GRIP2: variants seen among roughly 807,000 people sequenced by gnomAD.
The protein encoded by GRIP2 is glutamate receptor-interacting protein 2.
GRIP2 carries 58 observed loss-of-function variants against 108.3 expected under a neutral mutation model. That is an observed-to-expected ratio of 0.54 (90% confidence interval 0.43 to 0.67). The LOEUF (loss-of-function observed/expected upper bound fraction) is 0.67, where lower values mean the gene tolerates loss of function less well. Among genes scored for constraint, GRIP2 ranks in the 30% least tolerant of loss-of-function variants. The probability of loss-of-function intolerance (pLI) is 0.00; values close to 1 mark genes in which losing one functional copy is unlikely to be tolerated. For missense variants in GRIP2, 1,278 were observed against 1,430.6 expected, an observed-to-expected ratio of 0.89 and a Z score of 1.72; for synonymous variants, 586 against 598.2, an observed-to-expected ratio of 0.98 and a Z score of 0.30.
chr3:14,573,376 G>C, the GRIP2 span: 1 of 1,328,994 alleles, frequency 7.5e-7, no homozygotes, highest in South Asian at 1.2e-5. Flanking sequence ...TCCAGGTCCC[G>C]CGGGATGGTC....
chr3:14,577,948 G>A, the GRIP2 span, among the ~76,000 whole-genome samples: 3 of 152,236 alleles, frequency 2.0e-5, no homozygotes, highest in Non-Finnish European at 4.4e-5. Context: ...CCTCATCCTC[G>A]CCCAGGGCCT....
At chr3:14,557,911 C>A (rs1346028180), upstream of GRIP2, among the ~76,000 whole-genome samples, 1 of 152,216 alleles carries the variant, frequency 6.6e-6, no homozygotes, top group East Asian at 1.9e-4. Flanking sequence ...TCTAGTATGG[C>A]AGGGTTACAC....
intron 5 of GRIP2, 126 bp from the exon 6 acceptor site, chr3:14,523,201 G>A: frequency 1.4e-6 from 1 of 715,412 alleles, no homozygotes; most frequent in South Asian, 1.8e-5. Flanking sequence ...TGCTATCCAT[G>A]GACCCTCTTA....
chr3:14,585,382 A>G, the GRIP2 span, among the ~76,000 whole-genome samples: 113,537 of 152,202 alleles, frequency 0.75, 42,971 homozygotes, highest in South Asian at 0.87. Flanking sequence ...ATATATTTGA[A>G]CCTGATGTTA....
the GRIP2 span, among the ~76,000 whole-genome samples, chr3:14,569,174 G>A: frequency 2.0e-5 from 3 of 152,198 alleles, no homozygotes; most frequent in East Asian, 1.9e-4. Flanking sequence ...CAGTGGACTC[G>A]GGGCCTCCTT....
chr3:14,496,024 G>A (rs1038315032), intron 22 of GRIP2, among the ~76,000 whole-genome samples: 47 of 152,018 alleles, frequency 3.1e-4, no homozygotes, highest in African/African-American at 1.1e-3. Context: ...GCATGCCTGT[G>A]GTCCCAGCTT....
Position 14,511,476 on chromosome 3 carries a change from G to A in GRIP2, c.1724C>T (p.Ala575Val). ...SVELGITISS[A>V]SRKRGEPLII... is the part of the protein sequence containing the mutation. Reference sequence around the variant, plus strand: ...CAAGGGCTCCCCTCGTTTCCTGCTGGCCGCTGGAGAAAAAGAGGCCATGAA... The same window carrying A: ...CAAGGGCTCCCCTCGTTTCCTGCTGACCGCTGGAGAAAAAGAGGCCATGAA... Residue 575 changes from alanine (A) to valine (V), a missense_variant, in exon 15 of 24, where the codon GCC (alanine) becomes GTC (valine). Transcript: ENST00000621039. The surrounding 1 kb of genome is among the most constrained non-coding windows in gnomAD (Gnocchi z 4.1). 1 of 1,613,298 alleles carries A rather than the reference G, an allele frequency of 6.2e-7. No homozygotes were observed. Among genetic ancestry groups the A allele is most frequent in the African/African-American group, 1.3e-5 (1 of 75,022 alleles).
chr3:14,595,967 G>A, the GRIP2 span, among the ~76,000 whole-genome samples: 10 of 152,236 alleles, frequency 6.6e-5, no homozygotes, highest in Admixed American at 6.5e-4. Context: ...GGAATGGGAC[G>A]GGGTCCCTGC....
At chr3:14,555,177 G>A (rs1695216530) in intron 1 of GRIP2, among the ~76,000 whole-genome samples, 1 of 152,080 alleles carries the variant, frequency 6.6e-6, no homozygotes, top group South Asian at 2.1e-4. Flanking sequence ...ACAGGCTGGG[G>A]CTCAGCACAG....
At chr3:14,518,639 C>T (rs1169338073) in intron 9 of GRIP2, among the ~76,000 whole-genome samples, 1 of 152,218 alleles carries the variant, frequency 6.6e-6, no homozygotes, top group Non-Finnish European at 1.5e-5. Context: ...GGCCAGCTCT[C>T]CTCTTGCGCG....
chr3:14,559,073 G>A (rs138855489), upstream of GRIP2, among the ~76,000 whole-genome samples: 637 of 152,258 alleles, frequency 4.2e-3, no homozygotes, highest in Non-Finnish European at 7.3e-3. Flanking sequence ...CAGCCTGCCC[G>A]GGTTCAAATC....
the GRIP2 span, among the ~76,000 whole-genome samples, chr3:14,568,550 C>T: frequency 1.3e-5 from 2 of 152,164 alleles, no homozygotes; most frequent in Admixed American, 1.3e-4. Context: ...CTCATTCTGT[C>T]ATGAGCGTCT....
the GRIP2 span, among the ~76,000 whole-genome samples, chr3:14,565,579 C>T: frequency 6.7e-6 from 1 of 149,956 alleles, no homozygotes; most frequent in African/African-American, 2.4e-5. Flanking sequence ...GTCCCGAAGG[C>T]CCGGAGAGGT....
At chr3:14,538,090 G>A (rs1310223169) in intron 1 of GRIP2, among the ~76,000 whole-genome samples, 2 of 151,894 alleles carry the variant, frequency 1.3e-5, no homozygotes, top group African/African-American at 4.9e-5. Context: ...GCCTGAGAAG[G>A]GACCCACCCA....
chr3:14,574,432 C>G, the GRIP2 span: 1 of 717,232 alleles, frequency 1.4e-6, no homozygotes, highest in South Asian at 1.5e-5. Context: ...GCGGTGTCTT[C>G]CCGCTTCCGC....
chr3:14,525,787 C>A, intron 2 of GRIP2, 64 bp downstream of exon 2: 1 of 1,485,280 alleles, frequency 6.7e-7, no homozygotes, highest in Non-Finnish European at 9.2e-7. Context: ...TGCCATCTGA[C>A]CCCCACCTAG....
the GRIP2 span, among the ~76,000 whole-genome samples, chr3:14,564,438 C>T: frequency 6.6e-6 from 1 of 152,254 alleles, no homozygotes; most frequent in East Asian, 1.9e-4. Context: ...CCTCCCCACA[C>T]CTGCCATGTC....
rs564786512 is a variant in GRIP2 at position 14,523,408 on chromosome 3, C to A, written c.490+204G>T. The A allele has an allele frequency of 3.0e-4, 175 of 585,738 alleles. No individual in the cohort carries two copies. In the African/African-American group the frequency reaches 3.0e-3, roughly 10 times the overall value. The allele number at this position is 585,738 out of a possible 1,614,324, so 36.3% of individuals were successfully genotyped here. A position where few individuals can be genotyped will look rare whatever the true frequency, so the allele number is the denominator to read the frequency against. On this transcript the variant is annotated intron_variant, in intron 5 of 23. Coordinates refer to ENST00000621039, the MANE Select transcript of GRIP2 (RefSeq NM_001080423.4). ...CTTTCACCATCATTTTCCGGTACAA[C>A]TTTCTCCTCTCACTCTCCCCAACCA...
In GRIP2 at chr3:14,505,908, T is replaced by A. The variant is rs1693913402; in HGVS notation, c.2399-119A>T. On this transcript the variant is annotated intron_variant, in intron 19 of 23. Coordinates refer to ENST00000621039, the MANE Select transcript of GRIP2 (RefSeq NM_001080423.4). The surrounding 1 kb of genome is among the most constrained non-coding windows in gnomAD (Gnocchi z 4.2). ...GTCGTTGCTCCTCTCTGGGCCTGCATCTACACAGCCCTCTGAGGGCCTCTG... is the reference window on the plus strand; with the variant it reads ...GTCGTTGCTCCTCTCTGGGCCTGCAACTACACAGCCCTCTGAGGGCCTCTG... 2 of 897,666 alleles carry A rather than the reference T, an allele frequency of 2.2e-6. No individual in the cohort carries two copies. The highest frequency in any genetic ancestry group is 3.4e-5 in the African/African-American group (2 of 57,974). The allele number at this position is 897,666 out of a possible 1,614,324, so 55.6% of individuals were successfully genotyped here. A position where few individuals can be genotyped will look rare whatever the true frequency, so the allele number is the denominator to read the frequency against.
Sources: gnomAD v4.1 joint callset for allele counts (sites outside exome capture counted in the v4.1 genomes callset) on GRCh38, gnomAD v4.1.1 for gene constraint, Gnocchi (gnomAD v3.1) non-coding constraint, MANE v1.5 for transcripts, NCBI Gene and HGNC (gene_info 2026-07-23, HGNC 2026-07-21) for gene names.